Variants in ADGRA2 observed in about 807,000 individuals in gnomAD.
ADGRA2 encodes G-protein coupled receptor 124.
In ADGRA2, 61 loss-of-function variants were observed where a neutral mutation model predicts 98.7. The ratio of observed to expected loss-of-function variants is 0.62; its 90% CI spans 0.50 to 0.76. ADGRA2 has a LOEUF of 0.76. Among genes scored for constraint, ADGRA2 ranks in the 30% least tolerant of loss-of-function variants. ADGRA2 has a pLI of 0.00. For missense variants in ADGRA2, 1,712 were observed against 1,860.0 expected (o/e 0.92, Z 1.46); for synonymous variants, 858 against 831.5 (o/e 1.03, Z -0.55).
rs570544186 is a variant in ADGRA2, at chr8:37,825,750, G to A, written c.339-3138G>A. On this transcript the variant is annotated intron_variant, in intron 2 of 18. Coordinates refer to ENST00000412232, the MANE Select transcript of ADGRA2 (RefSeq NM_032777.10). Reference sequence around the variant, plus strand: ...CAAGTCTTATGGTAGCATTTCTCCCGCCCCGAGGGAGGACACAGCTTCTTA... The same window carrying A: ...CAAGTCTTATGGTAGCATTTCTCCCACCCCGAGGGAGGACACAGCTTCTTA... Among the ~76,000 whole-genome samples the A allele has an allele frequency of 7.9e-4, 121 of 152,296 alleles. 1 individual carries two copies. The highest frequency in any genetic ancestry group is 2.7e-3 in the African/African-American group (114 of 41,556).
chr8:37,842,375 T>C lies in ADGRA2; in HGVS notation c.*20T>C. 1 of 1,449,638 alleles carries C rather than the reference T, an allele frequency of 6.9e-7. No individual in the cohort carries two copies. Among genetic ancestry groups the C allele is most frequent in the Non-Finnish European group, 9.1e-7 (1 of 1,103,348 alleles). The allele number at this position is 1,449,638 out of a possible 1,614,324, so 89.8% of individuals were successfully genotyped here. Reference sequence around the variant, plus strand: ...GTCTAAGGTGGGGCGGGCGACGCGGTAGACGGGCTGGCCACGCGGCTCGTT... The same window carrying C: ...GTCTAAGGTGGGGCGGGCGACGCGGCAGACGGGCTGGCCACGCGGCTCGTT... On this transcript the variant is annotated 3_prime_UTR_variant, in exon 19 of 19. Coordinates refer to ENST00000412232, the MANE Select transcript of ADGRA2 (RefSeq NM_032777.10).
chr8:37,822,682 T>A (rs1211600037), intron 2 of ADGRA2, among the ~76,000 whole-genome samples: 2 of 152,208 alleles, frequency 1.3e-5, no homozygotes, highest in African/African-American at 4.8e-5. Context: ...GATCTATAAA[T>A]CTGCCTGTTC....
At chr8:37,813,077 C>G (rs1804884122) in intron 1 of ADGRA2, among the ~76,000 whole-genome samples, 1 of 151,974 alleles carries the variant, frequency 6.6e-6, no homozygotes, top group Admixed American at 6.6e-5. Flanking sequence ...AAAGTCAGAG[C>G]CTGTCACCTG....
At chr8:37,835,863 C>CA in intron 13 of ADGRA2, 93 bp downstream of exon 13, 1 of 777,126 alleles carries the variant, frequency 1.3e-6, no homozygotes, top group South Asian at 1.6e-5. Context: ...CACAGCCCCC[C>CA]AGTGCCGTAG....
chr8:37,798,133 C>A (rs1353009231), intron 1 of ADGRA2, among the ~76,000 whole-genome samples: 1 of 148,906 alleles, frequency 6.7e-6, no homozygotes, highest in African/African-American at 2.5e-5. Flanking sequence ...CGCTCCTGGG[C>A]TGCAGGAGAC....
chr8:37,834,963 T>G lies in ADGRA2; in HGVS notation c.1609-211T>G, dbSNP rs1017996392. ...TTACTTGAGCCCAGGATTTGTAGGC[T>G]GCAGTGAGCTGGTTGTGATGCTGCA... is the stretch of plus-strand genomic sequence containing the variant. On this transcript the variant is annotated intron_variant, in intron 11 of 18. Transcript: ENST00000412232. The surrounding 1 kb of genome is among the most constrained non-coding windows in gnomAD (Gnocchi z 4.2). Among the ~76,000 whole-genome samples the G allele has an allele frequency of 6.6e-6, 1 of 151,680 alleles. No homozygotes were observed. The highest frequency in any genetic ancestry group is 6.6e-5 in the Admixed American group (1 of 15,206).
intron 2 of ADGRA2, among the ~76,000 whole-genome samples, chr8:37,826,523 C>T (rs1299159897): frequency 6.6e-6 from 1 of 152,160 alleles, no homozygotes; most frequent in Admixed American, 6.5e-5. Context: ...TTCTGGTGGC[C>T]CCTTCCCTTC....
chr8:37,837,366 C>T (rs1416384321), intron 13 of ADGRA2, among the ~76,000 whole-genome samples: 1 of 151,460 alleles, frequency 6.6e-6, no homozygotes, highest in Non-Finnish European at 1.5e-5. Flanking sequence ...GCCCGCCTCC[C>T]TCCTCCCTCC....
Position 37,814,944 on chromosome 8 carries a change from G to A in ADGRA2, c.315G>A (p.Leu105=). ...CGGGGCTCCGCAATGGCTCCTTCCT[G>A]GGACTGTCACTGCTGGAGAAGCTGT... ...KITGLRNGSF[L]GLSLLEKLDL... is the part of the protein sequence containing the mutation. The change falls in exon 2 of 19, where the codon CTG becomes CTA. Residue 105 remains leucine, a synonymous_variant. Transcript: ENST00000412232. The surrounding 1 kb of genome is among the most constrained non-coding windows in gnomAD (Gnocchi z 4.3). 1 of 1,612,816 alleles carries A rather than the reference G, an allele frequency of 6.2e-7. No individual in the cohort carries two copies. The highest frequency in any genetic ancestry group is 8.5e-7 in the Non-Finnish European group (1 of 1,178,756).
intron 4 of ADGRA2, 58 bp from the exon 5 acceptor site, chr8:37,829,430 C>T (rs1805388812): frequency 3.2e-6 from 5 of 1,544,462 alleles, no homozygotes; most frequent in Non-Finnish European, 4.5e-6. Context: ...ACCTGCTCTC[C>T]TCCGCCGGCC....
At chr8:37,816,717 ACCAGCCTGG>A (rs1411829370) in intron 2 of ADGRA2, among the ~76,000 whole-genome samples, 2 of 151,324 alleles carry the variant, frequency 1.3e-5, no homozygotes, top group Non-Finnish European at 2.9e-5. Context: ...GGAGTTCGAG[ACCAGCCTGG>A]CCAACATGGT....
intron 2 of ADGRA2, among the ~76,000 whole-genome samples, chr8:37,821,531 C>T (rs942739275): frequency 2.6e-5 from 4 of 152,166 alleles, no homozygotes; most frequent in Non-Finnish European, 5.9e-5. Context: ...GGGACTAGGC[C>T]ACAGGAAGAC....
At chr8:37,801,670 A>G (rs1222092386) in intron 1 of ADGRA2, among the ~76,000 whole-genome samples, 1 of 152,226 alleles carries the variant, frequency 6.6e-6, no homozygotes, top group Admixed American at 6.5e-5. Flanking sequence ...CTGGGCTCCA[A>G]AGGATCTTAG....
chr8:37,838,002 G>A, intron 14 of ADGRA2, 63 bp downstream of exon 14: 1 of 1,290,674 alleles, frequency 7.7e-7, no homozygotes, highest in Non-Finnish European at 1.0e-6. Flanking sequence ...GAAAATGGGG[G>A]TGGGTGTACT....
intron 1 of ADGRA2, among the ~76,000 whole-genome samples, chr8:37,813,460 T>C (rs1244062231): frequency 6.6e-6 from 1 of 152,194 alleles, no homozygotes. Flanking sequence ...TAATATCCCA[T>C]ATAACGACTA....
In ADGRA2 at chr8:37,842,370, C is replaced by T. The variant is rs1374509707; in HGVS notation, c.*15C>T. ...CTACCGTCTAAGGTGGGGCGGGCGA[C>T]GCGGTAGACGGGCTGGCCACGCGGC... On this transcript the variant is annotated 3_prime_UTR_variant, in exon 19 of 19. Coordinates refer to ENST00000412232, the MANE Select transcript of ADGRA2 (RefSeq NM_032777.10). 1 of 1,449,768 alleles carries T rather than the reference C, an allele frequency of 6.9e-7. No individual in the cohort carries two copies. Among genetic ancestry groups the T allele is most frequent in the Admixed American group, 2.8e-5 (1 of 35,384 alleles). 89.8% of individuals were successfully genotyped at this position (1,449,768 alleles called of 1,614,324 possible).
intron 1 of ADGRA2, among the ~76,000 whole-genome samples, chr8:37,812,153 GTGTTGTTGTTGTTGTTGT>G (rs36232957): frequency 1.4e-5 from 2 of 142,102 alleles, no homozygotes; most frequent in Non-Finnish European, 3.2e-5. Context: ...ACTTGCAATG[GTGTTGTTGTTGTTGTTGT>G]TGTTGTTGTT....
At chr8:37,811,878 G>A (rs1003993819) in intron 1 of ADGRA2, among the ~76,000 whole-genome samples, 10 of 151,378 alleles carry the variant, frequency 6.6e-5, no homozygotes, top group Admixed American at 1.3e-4. Flanking sequence ...CGAGGCAGGC[G>A]GATCACCTGA....
At chr8:37,840,496 A>G (rs1382019191) in intron 17 of ADGRA2, among the ~76,000 whole-genome samples, 4 of 152,138 alleles carry the variant, frequency 2.6e-5, no homozygotes, top group African/African-American at 9.7e-5. Context: ...TCCAAATGCC[A>G]TGGCAAGGAT....
Sources: gnomAD v4.1 joint callset for allele counts (sites outside exome capture counted in the v4.1 genomes callset) on GRCh38, gnomAD v4.1.1 for gene constraint, Gnocchi (gnomAD v3.1) non-coding constraint, MANE v1.5 for transcripts, NCBI Gene and HGNC (gene_info 2026-07-23, HGNC 2026-07-21) for gene names.